The following PCBP2 variants were observed in gnomAD, a reference collection of about 807,000 sequenced individuals.
PCBP2 encodes poly(rC) binding protein 2.
PCBP2 carries 4 observed loss-of-function variants against 50.1 expected under a neutral mutation model. The ratio of observed to expected loss-of-function variants is 0.08; its 90% CI spans 0.04 to 0.18. The LOEUF is 0.18. PCBP2 is among the 10% of genes least tolerant of loss of function. The pLI, the probability that PCBP2 is intolerant of heterozygous loss-of-function variation, is 1.00. For synonymous variants in PCBP2, 179 were observed against 168.0 expected (o/e 1.07, Z -0.51); for missense variants, 161 against 474.3 (o/e 0.34, Z 6.14).
In PCBP2 at chr12:53,464,859, G is replaced by GGGGATGT; in HGVS notation, c.672+8_672+14dup. 1 of 1,597,236 alleles carries GGGGATGT rather than the reference G, an allele frequency of 6.3e-7. No individual in the cohort carries two copies. The highest frequency in any genetic ancestry group is 8.5e-7 in the Non-Finnish European group (1 of 1,174,588). The stretch of plus-strand genomic sequence containing the variant: ...GGAGGGACCACCTCTAGAGGTGAGA[G>GGGGATGT]GGGATGTTCAGTCTCCAAGGCTCAC... On this transcript the variant is annotated splice_region_variant and intron_variant, in intron 9 of 14. Coordinates refer to ENST00000546463, the MANE Select transcript of PCBP2 (RefSeq NM_031989.5).
Position 53,471,821 on chromosome 12 carries a change from A to G in PCBP2, c.1052+14A>G. 6.2e-7 allele frequency: 1 copy of G among 1,606,944 alleles called. No homozygotes were observed. The highest frequency in any genetic ancestry group is 2.2e-5 in the East Asian group (1 of 44,798). Reference sequence around the variant, plus strand: ...AATCAATGTCAGGTAAGATTGCTCTACCTTTTGTCTTATTTATGCCAACAC... The same window carrying G: ...AATCAATGTCAGGTAAGATTGCTCTGCCTTTTGTCTTATTTATGCCAACAC... On this transcript the variant is annotated intron_variant, in intron 14 of 14. Coordinates refer to ENST00000546463, the MANE Select transcript of PCBP2 (RefSeq NM_031989.5).
chr12:53,452,573 G>C (rs1208481867), intron 1 of PCBP2, among the ~76,000 whole-genome samples, 197 bp downstream of exon 1: 1 of 150,790 alleles, frequency 6.6e-6, no homozygotes, highest in Non-Finnish European at 1.5e-5. Context: ...CTCGCGCAAG[G>C]CCTATTCCCC....
At chr12:53,461,290 T>G in intron 7 of PCBP2, 147 bp downstream of exon 7, 1 of 833,420 alleles carries the variant, frequency 1.2e-6, no homozygotes, top group Non-Finnish European at 1.8e-6. Context: ...GTTCATATTT[T>G]CCTTCCCCTA....
intron 6 of PCBP2, chr12:53,460,284 C>T (rs776158339): frequency 3.5e-6 from 1 of 285,800 alleles, no homozygotes; most frequent in Non-Finnish European, 7.2e-6. Flanking sequence ...GTACCATAGG[C>T]GCGCTCCACA....
At chr12:53,462,640 A>T in intron 8 of PCBP2, 73 bp downstream of exon 8, 1 of 1,232,016 alleles carries the variant, frequency 8.1e-7, no homozygotes. Flanking sequence ...CCAGCATCAC[A>T]CCAAGCCACT....
chr12:53,462,997 C>T (rs970757982), intron 8 of PCBP2, among the ~76,000 whole-genome samples: 1 of 152,174 alleles, frequency 6.6e-6, no homozygotes, highest in Non-Finnish European at 1.5e-5. Flanking sequence ...ACTTCCCCTT[C>T]CCTCCACCTC....
intron 14 of PCBP2, chr12:53,475,140 A>G (rs1189745736): frequency 2.2e-6 from 1 of 455,946 alleles, no homozygotes; most frequent in Admixed American, 2.4e-5. Context: ...GGCTTCAGCT[A>G]CCACCACCAC....
At chr12:53,472,827 C>A (rs1221477257) in intron 14 of PCBP2, among the ~76,000 whole-genome samples, 1 of 152,110 alleles carries the variant, frequency 6.6e-6, no homozygotes, top group African/African-American at 2.4e-5. Context: ...CTTAAGACTT[C>A]ATATCTTGAG....
At chr12:53,471,277 T>C (rs1000874784) in intron 13 of PCBP2, among the ~76,000 whole-genome samples, 3 of 132,838 alleles carry the variant, frequency 2.3e-5, no homozygotes, top group Admixed American at 2.2e-4. Context: ...AGACCCTCGG[T>C]TTTTTTTTTT....
chr12:53,454,552 CAG>C (rs1261078877), intron 1 of PCBP2, 172 bp from the exon 2 acceptor site: 2 of 498,630 alleles, frequency 4.0e-6, no homozygotes, highest in Non-Finnish European at 7.3e-6. Context: ...TACTGTGTAA[CAG>C]AACCTGAGCT....
intron 5 of PCBP2, among the ~76,000 whole-genome samples, chr12:53,456,640 G>C (rs1266292849): frequency 1.3e-5 from 2 of 152,178 alleles, no homozygotes; most frequent in Non-Finnish European, 2.9e-5. Context: ...TTCCAATCCT[G>C]ATGATTTTAG....
At chr12:53,455,217 T>C in intron 2 of PCBP2, 130 bp from the exon 3 acceptor site, 1 of 834,650 alleles carries the variant, frequency 1.2e-6, no homozygotes, top group Non-Finnish European at 1.9e-6. Flanking sequence ...GTCTGTTGGC[T>C]AGACAGTTAA....
In PCBP2 at chr12:53,475,468, C is replaced by T. The variant is rs567976824; in HGVS notation, c.1052+3661C>T. 1.8e-5 allele frequency: 5 copies of T among 274,484 alleles called. No individual in the cohort carries two copies. The East Asian group carries it at 3.2e-4, about 17-fold the overall frequency. 17.0% of individuals were successfully genotyped at this position (274,484 alleles called of 1,614,324 possible). ...GTTTTCTCTTCTTTCTTGTTTGTTA[C>T]TTTTCTTTGTAGCTTTATTCTGCCT... On this transcript the variant is annotated intron_variant, in intron 14 of 14. Transcript: ENST00000546463.
intron 10 of PCBP2, among the ~76,000 whole-genome samples, chr12:53,466,400 A>G (rs1941828825): frequency 6.6e-6 from 1 of 152,148 alleles, no homozygotes; most frequent in Non-Finnish European, 1.5e-5. Context: ...TTTGAAAAGT[A>G]TTTGGAGGGA....
At chr12:53,467,180 G>A (rs377205987) in intron 10 of PCBP2, 41 bp from the exon 11 acceptor site, 4 of 1,541,592 alleles carry the variant, frequency 2.6e-6, no homozygotes, top group Non-Finnish European at 3.6e-6. Context: ...CCCTGGCTCT[G>A]TTAAATCTTC....
Position 53,479,671 on chromosome 12 carries a change from G to GTTTTTTTTTTTTTTTTTGGT in PCBP2, c.*241_*242insTTTTTGGTTTTTTTTTTTTT. ...ATTTAGTTTTATAAGCTTCTCCCTG[G>GTTTTTTTTTTTTTTTTTGGT]TTTTTTTTTTTTGGCTCATGAATTT... On this transcript the variant is annotated 3_prime_UTR_variant, in exon 15 of 15. Coordinates refer to ENST00000546463, the MANE Select transcript of PCBP2 (RefSeq NM_031989.5). 7 of 202,204 alleles carry GTTTTTTTTTTTTTTTTTGGT rather than the reference G, an allele frequency of 3.5e-5. No homozygotes were observed. Among genetic ancestry groups the GTTTTTTTTTTTTTTTTTGGT allele is most frequent in the South Asian group, 1.8e-4 (1 of 5,636 alleles). 12.5% of individuals were successfully genotyped at this position (202,204 alleles called of 1,614,324 possible).
At chr12:53,468,698 C>T in intron 12 of PCBP2, 79 bp from the exon 13 acceptor site, 2 of 1,070,230 alleles carry the variant, frequency 1.9e-6, no homozygotes, top group Admixed American at 1.8e-5. Context: ...AGTTTATTTC[C>T]TTCTGTTAGT....
intron 10 of PCBP2, among the ~76,000 whole-genome samples, chr12:53,466,226 C>G (rs1427753358): frequency 2.0e-5 from 3 of 152,198 alleles, no homozygotes; most frequent in Non-Finnish European, 2.9e-5. Context: ...TCAGATTACC[C>G]TGTTTCTAAA....
At chr12:53,467,331 T>G in intron 11 of PCBP2, 38 bp downstream of exon 11, 1 of 1,507,784 alleles carries the variant, frequency 6.6e-7, no homozygotes, top group Non-Finnish European at 9.2e-7. Context: ...TAAGGTGTAG[T>G]GCAAGAGAGA....
Sources: allele counts gnomAD v4.1 joint callset (sites outside exome capture counted in the v4.1 genomes callset), GRCh38; gene constraint gnomAD v4.1.1; transcripts MANE v1.5; gene names NCBI Gene and HGNC (gene_info 2026-07-23, HGNC 2026-07-21).